The following CNIH3 variants were observed in gnomAD, a reference collection of about 807,000 sequenced individuals.
The protein encoded by CNIH3 is protein cornichon homolog 3.
A neutral mutation model predicts 24.1 loss-of-function variants in CNIH3; 14 were observed. The observed-to-expected ratio is 0.58, with a 90% CI of 0.38 to 0.91. The LOEUF (loss-of-function observed/expected upper bound fraction) is 0.91, where lower values mean the gene tolerates loss of function less well. Among genes scored for constraint, CNIH3 ranks in the 40% least tolerant of loss-of-function variants. The pLI, the probability that CNIH3 is intolerant of heterozygous loss-of-function variation, is 0.00. For synonymous variants in CNIH3, 68 were observed against 73.8 expected (o/e 0.92, Z 0.40); for missense variants, 178 against 196.8 (o/e 0.90, Z 0.57).
At chr1:224,694,626 G>A (rs912503905) in intron 3 of CNIH3, among the ~76,000 whole-genome samples, 5 of 152,180 alleles carry the variant, frequency 3.3e-5, no homozygotes, top group African/African-American at 1.2e-4. Context: ...AAAGACACAT[G>A]CACACACATG....
intron 5 of CNIH3, among the ~76,000 whole-genome samples, chr1:224,737,438 C>T (rs1038376176): frequency 2.0e-5 from 3 of 152,148 alleles, no homozygotes; most frequent in African/African-American, 7.2e-5. Flanking sequence ...CCTGGGTGGC[C>T]GCCACGGGCA....
rs778760452 is a variant in CNIH3 at position 224,740,295 on chromosome 1, C to A, written c.*939C>A. On this transcript the variant is annotated 3_prime_UTR_variant, in exon 6 of 6. Coordinates refer to ENST00000272133, the MANE Select transcript of CNIH3 (RefSeq NM_152495.2). The stretch of plus-strand genomic sequence containing the variant: ...GGACATCATCTTATTTAGAATTTTC[C>A]GTTTGGCATTCTCTTTTGGGTGGGA... 6.6e-6 allele frequency: 1 copy of A among 152,070 alleles called. No individual in the cohort carries two copies. The highest frequency in any genetic ancestry group is 2.4e-5 in the African/African-American group (1 of 41,388). 9.4% of individuals were successfully genotyped at this position (152,070 alleles called of 1,614,324 possible).
chr1:224,656,439 C>T (rs1025395553), intron 1 of CNIH3, among the ~76,000 whole-genome samples: 1 of 152,164 alleles, frequency 6.6e-6, no homozygotes, highest in African/African-American at 2.4e-5. Context: ...TTCATACATC[C>T]CACATGCGAA....
At chr1:224,640,171 A>C (rs1684288099) in intron 1 of CNIH3, among the ~76,000 whole-genome samples, 1 of 152,108 alleles carries the variant, frequency 6.6e-6, no homozygotes, top group African/African-American at 2.4e-5. Flanking sequence ...GTTCAGTAAC[A>C]CCTTTCCATT....
intron 1 of CNIH3, among the ~76,000 whole-genome samples, chr1:224,462,701 G>A (rs1447393697): frequency 7.3e-6 from 1 of 137,116 alleles, no homozygotes; most frequent in Non-Finnish European, 1.5e-5. Context: ...GGGTGGTGGT[G>A]TGATCACGGC....
downstream of CNIH3, among the ~76,000 whole-genome samples, chr1:224,538,085 G>T (rs953765358): frequency 6.6e-6 from 1 of 151,816 alleles, no homozygotes; most frequent in African/African-American, 2.4e-5. Flanking sequence ...CGAGTAGTTG[G>T]CATTACAGGT....
chr1:224,443,837 C>T (rs1675031634), intron 1 of CNIH3, among the ~76,000 whole-genome samples: 1 of 152,012 alleles, frequency 6.6e-6, no homozygotes, highest in African/African-American at 2.4e-5. Flanking sequence ...AAGATGATTT[C>T]TTGAGGTCCC....
chr1:224,668,868 G>A (rs925889090), intron 1 of CNIH3, among the ~76,000 whole-genome samples: 10 of 151,514 alleles, frequency 6.6e-5, no homozygotes, highest in Admixed American at 2.0e-4. Flanking sequence ...TGCTTCATGC[G>A]CAGGGCCAGA....
rs981241566 is a variant in CNIH3, at chr1:224,498,278, C to A, written n.204-17463C>A. Among the ~76,000 whole-genome samples the A allele has an allele frequency of 5.9e-5, 9 of 152,178 alleles. No homozygotes were observed. In the East Asian group the frequency reaches 9.6e-4, roughly 16 times the overall value. Reference sequence around the variant, plus strand: ...GCTAACATGGAGGCCCCAGCAGCCCCAGCAAAAGCAGCAGTGATGGTGGTG... The same window carrying A: ...GCTAACATGGAGGCCCCAGCAGCCCAAGCAAAAGCAGCAGTGATGGTGGTG... On this transcript the variant is annotated intron_variant and non_coding_transcript_variant, in intron 1 of 5. Coordinates refer to the CNIH3 transcript ENST00000471578.
At position 224,462,052 on chromosome 1, in the gene CNIH3, A is replaced by G. The variant is rs907441094; in HGVS notation, n.203+27190A>G. Among the ~76,000 whole-genome samples, 5 of 152,162 alleles carry G rather than the reference A, an allele frequency of 3.3e-5. No individual in the cohort carries two copies. In the South Asian group the frequency reaches 6.2e-4, roughly 19 times the overall value. On this transcript the variant is annotated intron_variant and non_coding_transcript_variant, in intron 1 of 5. Coordinates refer to the CNIH3 transcript ENST00000471578. ...AGGTTCACAGCAAAATTGAGCTGAA[A>G]GTACAGGGTGTTCTCATATACACCC...
At chr1:224,676,382 A>G (rs894099237) in intron 1 of CNIH3, among the ~76,000 whole-genome samples, 2 of 152,062 alleles carry the variant, frequency 1.3e-5, no homozygotes, top group Admixed American at 6.5e-5. Context: ...GCAGGAGGGA[A>G]TTTTGGGGTG....
intron 4 of CNIH3, chr1:224,574,724 C>G: frequency 8.4e-7 from 1 of 1,193,994 alleles, no homozygotes; most frequent in Non-Finnish European, 1.2e-6. Context: ...AGAAGATGCT[C>G]ATTGACCTGA....
chr1:224,616,620 G>C lies in CNIH3; in HGVS notation c.-555G>C. On this transcript the variant is annotated 5_prime_UTR_variant, in exon 1 of 6. Transcript: ENST00000272133. Reference sequence around the variant, plus strand: ...CGGCTACCTAAAGACTCCTTCTCTCGGGAAAGAGCGCTGCCCGGCTCTGGG... The same window carrying C: ...CGGCTACCTAAAGACTCCTTCTCTCCGGAAAGAGCGCTGCCCGGCTCTGGG... 2 of 987,144 alleles carry C rather than the reference G, an allele frequency of 2.0e-6. No individual in the cohort carries two copies. Among genetic ancestry groups the C allele is most frequent in the Non-Finnish European group, 2.4e-6 (2 of 831,196 alleles). 61.1% of individuals were successfully genotyped at this position (987,144 alleles called of 1,614,324 possible).
intron 1 of CNIH3, among the ~76,000 whole-genome samples, chr1:224,479,356 G>A (rs750441293): frequency 6.6e-6 from 1 of 152,058 alleles, no homozygotes; most frequent in Non-Finnish European, 1.5e-5. Flanking sequence ...GTTTCTCCAC[G>A]TTGGTCAGGC....
chr1:224,697,446 C>T (rs925056843), intron 3 of CNIH3, among the ~76,000 whole-genome samples: 4 of 152,082 alleles, frequency 2.6e-5, no homozygotes, highest in African/African-American at 7.2e-5. Flanking sequence ...CTCCGTTCTC[C>T]AGGGTATGAT....
At chr1:224,479,379 C>T (rs1165882151) in intron 1 of CNIH3, among the ~76,000 whole-genome samples, 1 of 152,080 alleles carries the variant, frequency 6.6e-6, no homozygotes, top group Non-Finnish European at 1.5e-5. Context: ...GTCTCAAACT[C>T]CTGACCTCAA....
At chr1:224,443,309 C>A (rs1674997064) in intron 1 of CNIH3, among the ~76,000 whole-genome samples, 1 of 152,118 alleles carries the variant, frequency 6.6e-6, no homozygotes, top group Non-Finnish European at 1.5e-5. Context: ...TTTATATTTA[C>A]AACTACTTGC....
chr1:224,731,464 G>A (rs890408719), intron 4 of CNIH3, among the ~76,000 whole-genome samples: 9 of 152,278 alleles, frequency 5.9e-5, no homozygotes, highest in South Asian at 4.1e-4. Flanking sequence ...AGGTATTTGC[G>A]CAGATAAGTT....
chr1:224,621,271 A>G (rs1382423906), intron 1 of CNIH3, among the ~76,000 whole-genome samples: 1 of 152,244 alleles, frequency 6.6e-6, no homozygotes, highest in African/African-American at 2.4e-5. Flanking sequence ...CAGTTTTGTT[A>G]GAGAAGATGT....
Sources: allele counts gnomAD v4.1 joint callset (sites outside exome capture counted in the v4.1 genomes callset), GRCh38; gene constraint gnomAD v4.1.1; transcripts MANE v1.5; gene names NCBI Gene and HGNC (gene_info 2026-07-23, HGNC 2026-07-21).